RFX7: variants seen among roughly 807,000 people sequenced by gnomAD.
RFX7 encodes the protein regulatory factor X7.
RFX7 carries 26 observed loss-of-function variants against 111.8 expected under a neutral mutation model. That is an observed-to-expected ratio of 0.23 (90% CI 0.17 to 0.32). The LOEUF (loss-of-function observed/expected upper bound fraction) is 0.32, where lower values mean the gene tolerates loss of function less well. RFX7 is among the 10% of genes least tolerant of loss of function. The pLI is 1.00. For missense variants in RFX7, 1,573 were observed against 1,772.9 expected, an observed-to-expected ratio of 0.89 and a Z score of 2.02; for synonymous variants, 624 against 624.4, an observed-to-expected ratio of 1.00 and a Z score of 0.01.
chr15:56,189,147 G>A (rs1394494407), intron 2 of RFX7, among the ~76,000 whole-genome samples: 1 of 152,172 alleles, frequency 6.6e-6, no homozygotes, highest in African/African-American at 2.4e-5. Flanking sequence ...AAGGCTTTGG[G>A]AAGCCAAGGC....
chr15:56,240,326 A>G (rs975208473), intron 2 of RFX7, among the ~76,000 whole-genome samples: 26 of 152,162 alleles, frequency 1.7e-4, no homozygotes, highest in Admixed American at 6.5e-5. Context: ...GAAGGTATTC[A>G]TAACCATATT....
At chr15:56,114,453 AGAAAAG>A (rs1384526098) in intron 5 of RFX7, among the ~76,000 whole-genome samples, 2 of 151,512 alleles carry the variant, frequency 1.3e-5, no homozygotes, top group African/African-American at 4.8e-5. Context: ...AAAAAACAAC[AGAAAAG>A]GAAAAGAAAA....
In RFX7 at chr15:56,144,102, T is replaced by G. The variant is rs529749079; in HGVS notation, c.278+299A>C. Among the ~76,000 whole-genome samples the G allele has an allele frequency of 2.0e-4, 31 of 152,320 alleles. 1 individual carries two copies. The South Asian group carries it at 5.0e-3, about 24-fold the overall frequency. On this transcript the variant is annotated intron_variant, in intron 4 of 9. Transcript: ENST00000559447. ...TACTTATCTGTTTATTCTTTGGTTT[T>G]CTGTTCAATTTTCACAATCCCTCAC...
chr15:56,133,335 T>G (rs565715454), intron 5 of RFX7, among the ~76,000 whole-genome samples: 3 of 152,250 alleles, frequency 2.0e-5, no homozygotes, highest in African/African-American at 7.2e-5. Flanking sequence ...CTTTACTGTC[T>G]GAGATTACAA....
chr15:56,164,658 A>C (rs1241014952), intron 3 of RFX7, among the ~76,000 whole-genome samples: 7 of 152,110 alleles, frequency 4.6e-5, no homozygotes, highest in Non-Finnish European at 8.8e-5. Context: ...CCTGATTTTA[A>C]CTATGCTAAA....
chr15:56,174,508 G>A (rs2042880476), intron 3 of RFX7, among the ~76,000 whole-genome samples: 1 of 152,082 alleles, frequency 6.6e-6, no homozygotes, highest in African/African-American at 2.4e-5. Flanking sequence ...AAGCACTTTG[G>A]GAGGCGAAGG....
chr15:56,243,607 G>T lies in RFX7; in HGVS notation c.-165C>A, dbSNP rs1485530452. Reference sequence around the variant, plus strand: ...TCCTCCCGTCAGCGGCCGGGGCTGTGGGGGGGTGAGATGGGGGCGTTTGAA... The same window carrying T: ...TCCTCCCGTCAGCGGCCGGGGCTGTTGGGGGGTGAGATGGGGGCGTTTGAA... On this transcript the variant is annotated 5_prime_UTR_variant, in exon 1 of 10. Transcript: ENST00000559447. 4.7e-5 allele frequency: 19 copies of T among 404,090 alleles called. No individual in the cohort carries two copies. The East Asian group carries it at 4.9e-4, about 10-fold the overall frequency. 25.0% of individuals were successfully genotyped at this position (404,090 alleles called of 1,614,324 possible).
chr15:56,229,687 C>T (rs2043528203), intron 2 of RFX7, among the ~76,000 whole-genome samples: 1 of 152,108 alleles, frequency 6.6e-6, no homozygotes, highest in South Asian at 2.1e-4. Flanking sequence ...GTTGGGGGAG[C>T]CCCCAAATTT....
At chr15:56,183,191 C>T (rs2725870) in intron 2 of RFX7, among the ~76,000 whole-genome samples, 4 of 151,740 alleles carry the variant, frequency 2.6e-5, no homozygotes, top group African/African-American at 7.3e-5. Flanking sequence ...TATTTTTAAG[C>T]GGAGCTATTT....
chr15:56,096,539 C>T lies in RFX7; in HGVS notation c.1189G>A (p.Val397Met). ...ACAGACTGCATGTGCTGAGTGACCA[C>T]CTGTACATTGAGGGGAAGAACTTTG... The part of the protein sequence containing the change: ...DGKVLPLNVQ[V>M]VTQHMQSVKQ... Residue 397 changes from valine to methionine, a missense_variant, in exon 10 of 10, where the codon GTG becomes ATG. Val to Met is a conservative substitution (Grantham distance 21). Transcript: ENST00000559447. 6.2e-7 allele frequency: 1 copy of T among 1,601,262 alleles called. No individual in the cohort carries two copies.
intron 2 of RFX7, among the ~76,000 whole-genome samples, chr15:56,204,272 G>A (rs1442643570): frequency 6.6e-6 from 1 of 152,004 alleles, no homozygotes; most frequent in Non-Finnish European, 1.5e-5. Context: ...GTCCACCTTG[G>A]CCTCCCAAAG....
chr15:56,196,026 A>G (rs914371413), intron 2 of RFX7, among the ~76,000 whole-genome samples: 18 of 152,184 alleles, frequency 1.2e-4, no homozygotes, highest in African/African-American at 4.1e-4. Context: ...ACTTTATCAT[A>G]AGGTAACTTG....
chr15:56,132,622 G>A (rs1273070769), intron 5 of RFX7, among the ~76,000 whole-genome samples: 1 of 152,020 alleles, frequency 6.6e-6, no homozygotes, highest in Non-Finnish European at 1.5e-5. Flanking sequence ...TCAGCAGCTG[G>A]TGGCATGGAG....
At position 56,092,327 on chromosome 15, in the gene RFX7, G is replaced by A. The variant is rs1399662834; in HGVS notation, c.*1018C>T. On this transcript the variant is annotated 3_prime_UTR_variant, in exon 10 of 10. Coordinates refer to ENST00000559447, the MANE Select transcript of RFX7 (RefSeq NM_022841.7). ...TTCCTGTTTTTCAAAGGGATCCTAT[G>A]ATCAAACTACATTACTATATTCAGG... 6.6e-6 allele frequency: 1 copy of A among 152,426 alleles called. No individual in the cohort carries two copies. The allele number at this position is 152,426 out of a possible 1,614,324, so 9.4% of individuals were successfully genotyped here.
At chr15:56,116,922 T>C (rs1024035665) in intron 5 of RFX7, among the ~76,000 whole-genome samples, 24 of 151,486 alleles carry the variant, frequency 1.6e-4, no homozygotes, top group Admixed American at 1.1e-3. Flanking sequence ...AAATATAGTA[T>C]ATTGTATAAC....
At chr15:56,178,711 A>G (rs2042931069) in intron 3 of RFX7, among the ~76,000 whole-genome samples, 1 of 152,210 alleles carries the variant, frequency 6.6e-6, no homozygotes, top group South Asian at 2.1e-4. Context: ...CTATACTAAC[A>G]CAATCTAAAT....
intron 2 of RFX7, among the ~76,000 whole-genome samples, chr15:56,188,435 C>A (rs894415): frequency 0.59 from 89,529 of 151,920 alleles, 27,032 homozygotes; most frequent in East Asian, 0.85. Flanking sequence ...TTCTAGATCC[C>A]AGAAGTTCAG....
chr15:56,225,770 C>G (rs1226535847), intron 2 of RFX7, among the ~76,000 whole-genome samples: 1 of 152,112 alleles, frequency 6.6e-6, no homozygotes, highest in Non-Finnish European at 1.5e-5. Context: ...CTTGCTGACT[C>G]ACATCTTCCC....
Position 56,093,488 on chromosome 15 carries a change from G to C in RFX7, c.4240C>G (p.Gln1414Glu), listed in dbSNP as rs1368367270. Residue 1414 changes from glutamine (Q) to glutamate (E), a missense_variant, in exon 10 of 10, where the codon CAA becomes GAA. By Grantham distance (29) the Gln-to-Glu change is conservative (BLOSUM62 2). Coordinates refer to ENST00000559447, the MANE Select transcript of RFX7 (RefSeq NM_022841.7). Reference protein sequence around the residue: ...LLFDPGRQQGQDDEATLEELK... With the variant: ...LLFDPGRQQGEDDEATLEELK... Reference sequence around the variant, plus strand: ...TCTTCCAGTGTAGCTTCATCATCTTGTCCCTGCTGACGACCTGGATCAAAC... The same window carrying C: ...TCTTCCAGTGTAGCTTCATCATCTTCTCCCTGCTGACGACCTGGATCAAAC... 1 of 1,613,854 alleles carries C rather than the reference G, an allele frequency of 6.2e-7. No homozygotes were observed. The highest frequency in any genetic ancestry group is 8.5e-7 in the Non-Finnish European group (1 of 1,179,850).
Sources: allele counts gnomAD v4.1 joint callset (sites outside exome capture counted in the v4.1 genomes callset), GRCh38; gene constraint gnomAD v4.1.1; transcripts MANE v1.5; gene names NCBI Gene and HGNC (gene_info 2026-07-23, HGNC 2026-07-21).